ULK4: variants seen among roughly 807,000 people sequenced by gnomAD.
The protein encoded by ULK4 is inactive serine/threonine-protein kinase ULK4.
Under a neutral mutation model 160.6 loss-of-function variants are expected in ULK4, and 133 were observed. The observed-to-expected ratio is 0.83, with a 90% CI of 0.72 to 0.96. The LOEUF (loss-of-function observed/expected upper bound fraction) is 0.96, where lower values mean the gene tolerates loss of function less well. Among genes scored for constraint, ULK4 ranks in the 40% least tolerant of loss-of-function variants. The pLI is 0.00. For synonymous variants in ULK4, 534 were observed against 539.8 expected (o/e 0.99, Z 0.15); for missense variants, 1,580 against 1,499.5 (o/e 1.05, Z -0.89).
At chr3:41,713,262 G>C (rs2037164142) in intron 25 of ULK4, among the ~76,000 whole-genome samples, 1 of 152,222 alleles carries the variant, frequency 6.6e-6, no homozygotes. Context: ...GTAAGGCACT[G>C]TAACTTGAGT....
intron 20 of ULK4, among the ~76,000 whole-genome samples, chr3:41,794,685 A>AAAAAAAAAAAAAAAAC (rs1553654846): frequency 1.5e-4 from 20 of 129,086 alleles, no homozygotes; most frequent in Non-Finnish European, 2.9e-4. Flanking sequence ...AAAAAAAAAA[A>AAAAAAAAAAAAAAAAC]ACACAGAAAA....
chr3:41,316,124 G>C (rs1575425580), intron 35 of ULK4, among the ~76,000 whole-genome samples: 1 of 152,088 alleles, frequency 6.6e-6, no homozygotes, highest in Non-Finnish European at 1.5e-5. Context: ...ATAGCAAAAG[G>C]GGGAAAAGCC....
chr3:41,503,977 A>C (rs889335393), intron 32 of ULK4, among the ~76,000 whole-genome samples: 2 of 152,194 alleles, frequency 1.3e-5, no homozygotes, highest in Admixed American at 1.3e-4. Flanking sequence ...GGTTGAATCA[A>C]AATATACAAA....
At chr3:41,865,590 C>G (rs2042597771) in intron 17 of ULK4, among the ~76,000 whole-genome samples, 1 of 152,168 alleles carries the variant, frequency 6.6e-6, no homozygotes, top group African/African-American at 2.4e-5. Flanking sequence ...AACTTCCTCT[C>G]TTTAATATCC....
At chr3:41,342,288 G>T (rs1029221665) in intron 35 of ULK4, among the ~76,000 whole-genome samples, 1 of 152,192 alleles carries the variant, frequency 6.6e-6, no homozygotes, top group South Asian at 2.1e-4. Flanking sequence ...GAATGGAGAG[G>T]AAAAGGGCTG....
intron 23 of ULK4, among the ~76,000 whole-genome samples, chr3:41,716,895 T>C (rs1484399131): frequency 6.6e-6 from 1 of 152,220 alleles, no homozygotes; most frequent in Non-Finnish European, 1.5e-5. Flanking sequence ...TTTCAAACTT[T>C]GAACTTTAAA....
chr3:41,801,987 T>C (rs2040474983), intron 19 of ULK4, among the ~76,000 whole-genome samples: 1 of 139,176 alleles, frequency 7.2e-6, no homozygotes, highest in South Asian at 2.5e-4. Flanking sequence ...CAAAAGACAA[T>C]AAAGCAATAT....
At chr3:41,851,453 T>C in intron 17 of ULK4, among the ~76,000 whole-genome samples, 1 of 152,204 alleles carries the variant, frequency 6.6e-6, no homozygotes, top group East Asian at 1.9e-4. Context: ...GATAAGCTTT[T>C]GGATATGCTG....
At chr3:41,559,051 G>GGTGTA (rs201576784) in intron 32 of ULK4, among the ~76,000 whole-genome samples, 8,291 of 122,302 alleles carry the variant, frequency 0.068, 854 homozygotes, top group African/African-American at 0.23. Flanking sequence ...AACAGGCCCC[G>GGTGTA]GTGTATCATG....
chr3:41,614,600 C>T (rs1419649090), intron 31 of ULK4, among the ~76,000 whole-genome samples: 1 of 152,134 alleles, frequency 6.6e-6, no homozygotes, highest in Non-Finnish European at 1.5e-5. Flanking sequence ...TTACATGTTC[C>T]ACTCATCAAG....
chr3:41,530,074 T>C (rs1034171964), intron 32 of ULK4, among the ~76,000 whole-genome samples: 13 of 152,166 alleles, frequency 8.5e-5, no homozygotes, highest in Admixed American at 7.2e-4. Context: ...CTCGTGAATA[T>C]ACTAAAAAAT....
intron 25 of ULK4, among the ~76,000 whole-genome samples, chr3:41,705,774 T>C (rs531878666): frequency 2.4e-4 from 37 of 152,184 alleles, no homozygotes; most frequent in Non-Finnish European, 4.6e-4. Context: ...TTTTTAAATA[T>C]ACAAATCACT....
chr3:41,419,819 G>C (rs903323340), intron 34 of ULK4, among the ~76,000 whole-genome samples: 3 of 151,998 alleles, frequency 2.0e-5, no homozygotes, highest in Non-Finnish European at 4.4e-5. Context: ...GTTCCTTATA[G>C]ACTTCTGAAA....
At position 41,808,767 on chromosome 3, in the gene ULK4, T is replaced by C. The variant is rs545633769; in HGVS notation, c.1849-8474A>G. 3.3e-5 allele frequency among the ~76,000 whole-genome samples: 5 copies of C among 152,360 alleles called. No homozygotes were observed. The South Asian group carries it at 1.0e-3, about 32-fold the overall frequency. ...TTAGGCAGGCCGTTAGCCTTGCCTC[T>C]CATTTTTTTTGTTTACCTTGCTGGA... On this transcript the variant is annotated intron_variant, in intron 19 of 36. Transcript: ENST00000301831.
At chr3:41,370,763 C>T (rs1261778678) in intron 35 of ULK4, among the ~76,000 whole-genome samples, 3 of 152,144 alleles carry the variant, frequency 2.0e-5, no homozygotes, top group South Asian at 2.1e-4. Context: ...TTTTCCAAAC[C>T]CCAGTGGCGC....
At chr3:41,723,841 C>CT (rs1559509273) in intron 22 of ULK4, among the ~76,000 whole-genome samples, 2 of 152,344 alleles carry the variant, frequency 1.3e-5, no homozygotes, top group South Asian at 4.1e-4. Flanking sequence ...CAGTGGGCGC[C>CT]TGGGACTCTG....
chr3:41,510,581 G>C (rs1376512708), intron 32 of ULK4, among the ~76,000 whole-genome samples: 2 of 152,066 alleles, frequency 1.3e-5, no homozygotes, highest in East Asian at 3.9e-4. Context: ...ATATGATAAA[G>C]CACAAAATAA....
chr3:41,667,703 T>C (rs377715253), intron 29 of ULK4, among the ~76,000 whole-genome samples: 7 of 152,168 alleles, frequency 4.6e-5, no homozygotes, highest in Middle Eastern at 3.2e-3. Flanking sequence ...CCAGACAGTA[T>C]CCCTGAACCT....
chr3:41,376,255 C>A (rs1389056878), intron 35 of ULK4, among the ~76,000 whole-genome samples: 1 of 150,164 alleles, frequency 6.7e-6, no homozygotes, highest in Non-Finnish European at 1.5e-5. Flanking sequence ...CCATTTGACC[C>A]AGCAATCCCT....
Sources: allele counts gnomAD v4.1 joint callset (sites outside exome capture counted in the v4.1 genomes callset), GRCh38; gene constraint gnomAD v4.1.1; transcripts MANE v1.5; gene names NCBI Gene and HGNC (gene_info 2026-07-23, HGNC 2026-07-21).